The following ABLIM2 variants were observed in gnomAD, a reference collection of about 807,000 sequenced individuals.
ABLIM2 encodes actin-binding LIM protein 2.
Under a neutral mutation model 97.7 loss-of-function variants are expected in ABLIM2, and 53 were observed. The ratio of observed to expected loss-of-function variants is 0.54; its 90% CI spans 0.44 to 0.68. ABLIM2 has a LOEUF of 0.68. Among genes scored for constraint, ABLIM2 ranks in the 30% least tolerant of loss-of-function variants. The pLI, the probability that ABLIM2 is intolerant of heterozygous loss-of-function variation, is 0.00. For synonymous variants in ABLIM2, 361 were observed against 345.8 expected, an observed-to-expected ratio of 1.04 and a Z score of -0.49; for missense variants, 835 against 867.2, an observed-to-expected ratio of 0.96 and a Z score of 0.47.
chr4:8,129,949 C>T lies in ABLIM2; in HGVS notation c.11-23312G>A, dbSNP rs140181823. On this transcript the variant is annotated intron_variant, in intron 1 of 20. Transcript: ENST00000447017. Reference sequence around the variant, plus strand: ...GGGAGCCAACTGCACCAGCCCAGGACGTGGGCCAGGGAGGCTGCTGGAGCC... The same window carrying T: ...GGGAGCCAACTGCACCAGCCCAGGATGTGGGCCAGGGAGGCTGCTGGAGCC... Among the ~76,000 whole-genome samples the T allele has an allele frequency of 6.6e-3, 1,010 of 152,338 alleles. 12 individuals are homozygous for T. The highest frequency in any genetic ancestry group is 0.023 in the African/African-American group (936 of 41,568).
rs1046226899 is a variant in ABLIM2, at chr4:8,045,036, G to C, written c.900+128C>G. 8.7e-6 allele frequency: 7 copies of C among 808,884 alleles called. No homozygotes were observed. The African/African-American group carries it at 1.2e-4, about 14-fold the overall frequency. The allele number at this position is 808,884 out of a possible 1,614,324, so 50.1% of individuals were successfully genotyped here. On this transcript the variant is annotated intron_variant, in intron 9 of 20. Transcript: ENST00000447017. ...CCCCGAAGCAGGGACAAGAGCAATGGCCGTACCTCAGGCCCCAGATGATAG... is the reference window on the plus strand; with the variant it reads ...CCCCGAAGCAGGGACAAGAGCAATGCCCGTACCTCAGGCCCCAGATGATAG...
chr4:8,042,539 C>G (rs1789378524), intron 9 of ABLIM2, among the ~76,000 whole-genome samples: 1 of 152,156 alleles, frequency 6.6e-6, no homozygotes. Context: ...CAGTTATCAT[C>G]CAATCTAAGC....
At position 8,021,755 on chromosome 4, in the gene ABLIM2, C is replaced by T. The variant is rs1220371784; in HGVS notation, c.1268-1452G>A. 6.6e-6 allele frequency among the ~76,000 whole-genome samples: 1 copy of T among 152,212 alleles called. No homozygotes were observed. The highest frequency in any genetic ancestry group is 2.4e-5 in the African/African-American group (1 of 41,442). On this transcript the variant is annotated intron_variant, in intron 12 of 20. Transcript: ENST00000447017. This position sits in a 1 kb window ranked among gnomAD's most constrained non-coding sequence, Gnocchi z 5.5. The stretch of plus-strand genomic sequence containing the variant: ...CAGGGTGGCCCCAGCCAGGCTGATG[C>T]CGTAGAAAGGACTGCAGGCTCTAAC...
intron 1 of ABLIM2, among the ~76,000 whole-genome samples, chr4:8,137,167 G>A (rs1192510667): frequency 1.3e-5 from 2 of 152,226 alleles, no homozygotes; most frequent in African/African-American, 4.8e-5. Context: ...TGTCACGGCA[G>A]CCGGGCTGAC....
rs907748941 is a variant in ABLIM2 at position 7,992,144 on chromosome 4, G to T, written c.1680+722C>A. Among the ~76,000 whole-genome samples, 1 of 151,978 alleles carries T rather than the reference G, an allele frequency of 6.6e-6. No homozygotes were observed. Among genetic ancestry groups the T allele is most frequent in the African/African-American group, 2.4e-5 (1 of 41,386 alleles). On this transcript the variant is annotated intron_variant, in intron 17 of 20. Coordinates refer to ENST00000447017, the MANE Select transcript of ABLIM2 (RefSeq NM_001130083.2). The surrounding 1 kb of genome is among the most constrained non-coding windows in gnomAD (Gnocchi z 5.7). ...TGCCCCACCCTAAGGATCCTCACTG[G>T]GGACCCCTGTGACGCTGTGGGCAGA...
rs1392647402 is a variant in ABLIM2 at position 8,015,282 on chromosome 4, C to T, written c.1423+4336G>A. Among the ~76,000 whole-genome samples, 3 of 152,070 alleles carry T rather than the reference C, an allele frequency of 2.0e-5. No homozygotes were observed. The highest frequency in any genetic ancestry group is 7.2e-5 in the African/African-American group (3 of 41,400). ...ACTGCACTGCAGAAGGAGAGGTTAG[C>T]GTGTCTTTTGTATCACACAGACAGT... is the stretch of plus-strand genomic sequence containing the variant. On this transcript the variant is annotated intron_variant, in intron 14 of 20. Transcript: ENST00000447017. The surrounding 1 kb of genome is among the most constrained non-coding windows in gnomAD (Gnocchi z 4.6).
chr4:8,099,114 T>C (rs1415948020), intron 2 of ABLIM2, among the ~76,000 whole-genome samples: 1 of 152,216 alleles, frequency 6.6e-6, no homozygotes, highest in Non-Finnish European at 1.5e-5. Flanking sequence ...CACTCCATGC[T>C]CTGGCTCATG....
At chr4:8,134,916 C>G (rs1393843822) in intron 1 of ABLIM2, among the ~76,000 whole-genome samples, 1 of 152,232 alleles carries the variant, frequency 6.6e-6, no homozygotes. Flanking sequence ...TTCATCTCCA[C>G]TAGGTGCACA....
At chr4:7,969,470 C>T (rs1311618836) in intron 20 of ABLIM2, among the ~76,000 whole-genome samples, 2 of 151,936 alleles carry the variant, frequency 1.3e-5, no homozygotes, top group Admixed American at 6.6e-5. Context: ...AACAAACAAA[C>T]AAAAAACTCA....
At position 8,120,080 on chromosome 4, in the gene ABLIM2, G is replaced by A. The variant is rs1228543171; in HGVS notation, c.11-13443C>T. 6.6e-6 allele frequency among the ~76,000 whole-genome samples: 1 copy of A among 152,154 alleles called. No individual in the cohort carries two copies. Among genetic ancestry groups the A allele is most frequent in the Non-Finnish European group, 1.5e-5 (1 of 68,016 alleles). On this transcript the variant is annotated intron_variant, in intron 1 of 20. Coordinates refer to ENST00000447017, the MANE Select transcript of ABLIM2 (RefSeq NM_001130083.2). The surrounding 1 kb of genome is among the most constrained non-coding windows in gnomAD (Gnocchi z 5.6). ...AGAGCGACAGGCACAGACGTCGGGC[G>A]GCAGGGTCCCTGGCGGCCCCCAGAG...
intron 3 of ABLIM2, among the ~76,000 whole-genome samples, chr4:8,091,692 T>TAATTATATAC (rs1490656853): frequency 7.9e-5 from 4 of 50,524 alleles, no homozygotes; most frequent in Admixed American, 3.7e-4. Flanking sequence ...TAATTATATA[T>TAATTATATAC]TATATAATAT....
intron 10 of ABLIM2, among the ~76,000 whole-genome samples, chr4:8,035,485 C>G (rs958558867): frequency 6.6e-6 from 1 of 152,226 alleles, no homozygotes; most frequent in Non-Finnish European, 1.5e-5. Context: ...ATGTCAAGAG[C>G]ACACACACTC....
intron 14 of ABLIM2, chr4:8,010,668 C>G (rs948469932): frequency 1.2e-6 from 1 of 852,078 alleles, no homozygotes; most frequent in Non-Finnish European, 1.4e-6. Context: ...TGATTTTCAG[C>G]GTGAAAATAC....
At chr4:8,118,003 C>A (rs1295442096) in intron 1 of ABLIM2, among the ~76,000 whole-genome samples, 2 of 152,200 alleles carry the variant, frequency 1.3e-5, no homozygotes, top group African/African-American at 4.8e-5. Flanking sequence ...GGAAGAGGAG[C>A]CCTGGTGATT....
intron 1 of ABLIM2, among the ~76,000 whole-genome samples, chr4:8,119,324 C>CTTTTTTT (rs71175466): frequency 3.7e-5 from 4 of 108,136 alleles, no homozygotes; most frequent in African/African-American, 6.9e-5. Flanking sequence ...GGGCTTCCTT[C>CTTTTTTT]TTTTTTTTTT....
chr4:8,045,381 C>T (rs549091261), intron 8 of ABLIM2, 140 bp from the exon 9 acceptor site: 49 of 760,650 alleles, frequency 6.4e-5, no homozygotes, highest in African/African-American at 4.8e-4. Context: ...CCGGGCACGG[C>T]GGCTCACGCC....
At chr4:8,088,318 A>G in intron 3 of ABLIM2, 34 bp from the exon 4 acceptor site, 2 of 1,555,358 alleles carry the variant, frequency 1.3e-6, no homozygotes, top group Non-Finnish European at 1.8e-6. Flanking sequence ...AGCCAGGCCC[A>G]CCTTCTGGCT....
At chr4:8,118,494 G>A (rs1030287630) in intron 1 of ABLIM2, among the ~76,000 whole-genome samples, 2 of 152,228 alleles carry the variant, frequency 1.3e-5, no homozygotes, top group Admixed American at 1.3e-4. Context: ...AGCTCTCCAA[G>A]TTGGCAAGGT....
chr4:8,039,008 G>T (rs897969426), intron 9 of ABLIM2, among the ~76,000 whole-genome samples: 2 of 152,098 alleles, frequency 1.3e-5, no homozygotes, highest in African/African-American at 4.8e-5. Flanking sequence ...GCTCAGCGAA[G>T]GCCCCTCCTC....
Sources: gnomAD v4.1 joint callset for allele counts (sites outside exome capture counted in the v4.1 genomes callset) on GRCh38, gnomAD v4.1.1 for gene constraint, Gnocchi (gnomAD v3.1) non-coding constraint, MANE v1.5 for transcripts, NCBI Gene and HGNC (gene_info 2026-07-23, HGNC 2026-07-21) for gene names.